Variants in FAM135B observed in about 807,000 individuals in gnomAD.
The protein encoded by FAM135B is family with sequence similarity 135 member B, also known as protein FAM135B.
In FAM135B, 43 loss-of-function variants were observed where a neutral mutation model predicts 127.7. That is an observed-to-expected ratio of 0.34 (90% CI 0.26 to 0.43). The LOEUF (loss-of-function observed/expected upper bound fraction) is 0.43. Among genes scored for constraint, FAM135B ranks in the 20% least tolerant of loss-of-function variants. The probability of loss-of-function intolerance (pLI) is 1.00; values close to 1 mark genes in which losing one functional copy is unlikely to be tolerated. For synonymous variants in FAM135B, 670 were observed against 665.1 expected, an observed-to-expected ratio of 1.01 and a Z score of -0.11; for missense variants, 1,558 against 1,725.6, an observed-to-expected ratio of 0.90 and a Z score of 1.72.
At chr8:138,420,213 T>C (rs928837618) in intron 1 of FAM135B, among the ~76,000 whole-genome samples, 2 of 184 alleles carry the variant, frequency 0.011, no homozygotes, top group African/African-American at 0.037. Context: ...TCAGAGACTA[T>C]TACAACACCT....
chr8:138,397,272 T>C (rs974978035), intron 1 of FAM135B, among the ~76,000 whole-genome samples: 3 of 152,140 alleles, frequency 2.0e-5, no homozygotes, highest in Admixed American at 6.5e-5. Context: ...TCATTCTAAG[T>C]GAAAGAAGTC....
At chr8:138,276,001 G>C (rs926473855) in intron 3 of FAM135B, among the ~76,000 whole-genome samples, 2 of 152,154 alleles carry the variant, frequency 1.3e-5, no homozygotes, top group African/African-American at 2.4e-5. Flanking sequence ...AGCTCACTGA[G>C]GCTGTCTCTA....
At chr8:138,428,339 A>C (rs931487292) in intron 1 of FAM135B, among the ~76,000 whole-genome samples, 1 of 152,136 alleles carries the variant, frequency 6.6e-6, no homozygotes. Flanking sequence ...CGCCCAAACT[A>C]TCTTAGCTAG....
intron 3 of FAM135B, among the ~76,000 whole-genome samples, chr8:138,266,141 GT>G (rs1457764352): frequency 6.6e-6 from 1 of 152,056 alleles, no homozygotes; most frequent in Non-Finnish European, 1.5e-5. Context: ...CTTCTCACCT[GT>G]TCACCTGTCC....
intron 1 of FAM135B, among the ~76,000 whole-genome samples, chr8:138,378,499 T>C (rs1831629714): frequency 6.6e-6 from 1 of 152,160 alleles, no homozygotes; most frequent in South Asian, 2.1e-4. Flanking sequence ...AACAGTTCTG[T>C]AGCAATGGCA....
At chr8:138,198,515 C>A (rs531056688) in intron 7 of FAM135B, among the ~76,000 whole-genome samples, 1 of 152,194 alleles carries the variant, frequency 6.6e-6, no homozygotes, top group East Asian at 1.9e-4. Context: ...GTAGGTCGTG[C>A]TGAAAAGGAG....
intron 1 of FAM135B, among the ~76,000 whole-genome samples, chr8:138,428,994 C>T (rs1835054395): frequency 6.6e-6 from 1 of 152,146 alleles, no homozygotes. Flanking sequence ...AGTCATACTC[C>T]CTGTTCTTCA....
At chr8:138,302,734 C>T (rs532591308) in intron 3 of FAM135B, among the ~76,000 whole-genome samples, 2 of 152,344 alleles carry the variant, frequency 1.3e-5, no homozygotes, top group East Asian at 1.9e-4. Context: ...ACATCGCTCA[C>T]GTTGTAATTG....
At chr8:138,457,413 C>T (rs1463421571) in intron 1 of FAM135B, among the ~76,000 whole-genome samples, 3 of 152,110 alleles carry the variant, frequency 2.0e-5, no homozygotes, top group African/African-American at 7.2e-5. Flanking sequence ...CTCAATATCA[C>T]CCCAGATGGT....
chr8:138,406,617 A>G (rs529425411), intron 1 of FAM135B, among the ~76,000 whole-genome samples: 1 of 152,288 alleles, frequency 6.6e-6, no homozygotes, highest in Non-Finnish European at 1.5e-5. Context: ...ATGCAAATCA[A>G]TAAATGTAAT....
chr8:138,344,427 G>T (rs1055872533), intron 2 of FAM135B, among the ~76,000 whole-genome samples: 1 of 152,072 alleles, frequency 6.6e-6, no homozygotes, highest in East Asian at 1.9e-4. Context: ...GGGGTTGCAC[G>T]ACTGCCCTTC....
chr8:138,197,394 A>G (rs1014245437), intron 8 of FAM135B, 122 bp downstream of exon 8: 45 of 1,226,676 alleles, frequency 3.7e-5, no homozygotes, highest in Non-Finnish European at 4.8e-5. Context: ...CACAGCCCAA[A>G]CCTACCTGGA....
chr8:138,256,669 A>G lies in FAM135B; in HGVS notation c.368+20T>C. ...GAGAGCACTGTGCTACTACAATTCA[A>G]TAATTTCCATGACACTCACTGCTGT... On this transcript the variant is annotated intron_variant, in intron 5 of 19. Transcript: ENST00000395297. The G allele has an allele frequency of 6.2e-7, 1 of 1,609,678 alleles. No homozygotes were observed. Among genetic ancestry groups the G allele is most frequent in the Non-Finnish European group, 8.5e-7 (1 of 1,176,204 alleles).
In FAM135B at chr8:138,336,975, T is replaced by C. The variant is rs185057284; in HGVS notation, c.78-26055A>G. ...AACATAGGCAAATCAATAAACGTAATCCAGCATATAAACAGAACCAAAGAC... is the reference window on the plus strand; with the variant it reads ...AACATAGGCAAATCAATAAACGTAACCCAGCATATAAACAGAACCAAAGAC... On this transcript the variant is annotated intron_variant, in intron 2 of 19. Transcript: ENST00000395297. Among the ~76,000 whole-genome samples the C allele has an allele frequency of 1.8e-4, 27 of 152,284 alleles. 1 individual carries two copies. Among genetic ancestry groups the C allele is most frequent in the Admixed American group, 1.4e-3 (22 of 15,296 alleles).
At chr8:138,348,523 C>T (rs1021126114) in intron 2 of FAM135B, among the ~76,000 whole-genome samples, 1 of 152,164 alleles carries the variant, frequency 6.6e-6, no homozygotes, top group East Asian at 1.9e-4. Context: ...TGCTTTAAGA[C>T]CTGTGACTCA....
chr8:138,368,491 C>G (rs1830907755), intron 1 of FAM135B, among the ~76,000 whole-genome samples: 1 of 152,176 alleles, frequency 6.6e-6, no homozygotes, highest in Non-Finnish European at 1.5e-5. Flanking sequence ...ACATTGAGCA[C>G]TCTGCACGGT....
At chr8:138,146,134 C>T (rs1463210031) in intron 14 of FAM135B, 84 bp from the exon 15 acceptor site, 2 of 702,236 alleles carry the variant, frequency 2.8e-6, no homozygotes, top group African/African-American at 3.6e-5. Context: ...TTCTCTCTCC[C>T]TCTTTCCCCA....
At position 138,242,170 on chromosome 8, in the gene FAM135B, T is replaced by C. The variant is rs1820850372; in HGVS notation, c.669+772A>G. Among the ~76,000 whole-genome samples the C allele has an allele frequency of 2.1e-5, 1 of 46,838 alleles. No individual in the cohort carries two copies. The highest frequency in any genetic ancestry group is 5.1e-5 in the Non-Finnish European group (1 of 19,428). 30.7% of individuals were successfully genotyped at this position (46,838 alleles called of 152,430 possible). A position where few individuals can be genotyped will look rare whatever the true frequency, so the allele number is the denominator to read the frequency against. On this transcript the variant is annotated intron_variant, in intron 7 of 19. Coordinates refer to ENST00000395297, the MANE Select transcript of FAM135B (RefSeq NM_015912.4). This position sits in a 1 kb window ranked among gnomAD's most constrained non-coding sequence, Gnocchi z 9.6. ...ATTACTTATGATAAATCTCTTTGTG[T>C]GTGTGTGTGTGTGTGTGTGTGTGTG...
At chr8:138,481,880 AG>A (rs1814794053) in intron 1 of FAM135B, among the ~76,000 whole-genome samples, 2 of 152,224 alleles carry the variant, frequency 1.3e-5, no homozygotes, top group Non-Finnish European at 2.9e-5. Context: ...AACAGTGCCA[AG>A]GCCAGACCTA....
Sources: gnomAD v4.1 joint callset for allele counts (sites outside exome capture counted in the v4.1 genomes callset) on GRCh38, gnomAD v4.1.1 for gene constraint, Gnocchi (gnomAD v3.1) non-coding constraint, MANE v1.5 for transcripts, NCBI Gene and HGNC (gene_info 2026-07-23, HGNC 2026-07-21) for gene names.